The following MYO18B variants were observed in gnomAD, a reference collection of about 807,000 sequenced individuals.
MYO18B encodes the protein unconventional myosin-XVIIIb.
In MYO18B, 204 loss-of-function variants were observed where a neutral mutation model predicts 273.0. The ratio of observed to expected loss-of-function variants is 0.75; its 90% CI spans 0.67 to 0.84. The LOEUF is 0.84. Among genes scored for constraint, MYO18B ranks in the 40% least tolerant of loss-of-function variants. The probability of loss-of-function intolerance (pLI) is 0.00; values close to 1 mark genes in which losing one functional copy is unlikely to be tolerated. For missense variants in MYO18B, 3,212 were observed against 3,287.6 expected (o/e 0.98, Z 0.56); for synonymous variants, 1,330 against 1,305.7 (o/e 1.02, Z -0.40).
chr22:25,840,017 C>T (rs2090035177), intron 17 of MYO18B, among the ~76,000 whole-genome samples: 1 of 152,172 alleles, frequency 6.6e-6, no homozygotes, highest in Non-Finnish European at 1.5e-5. Context: ...CTTCCCTGCC[C>T]TGTCTGAAGC....
intron 3 of MYO18B, among the ~76,000 whole-genome samples, chr22:25,764,605 C>T (rs1472719813): frequency 6.6e-6 from 1 of 152,202 alleles, no homozygotes; most frequent in African/African-American, 2.4e-5. Flanking sequence ...GAGAGGTCTT[C>T]CAGCAACTGA....
rs925708521 is a variant in MYO18B, at chr22:25,908,340, C to G, written c.5167C>G (p.Leu1723Val). Residue 1723 changes from leucine to valine, a missense_variant, in exon 32 of 44, where the codon CTG (leucine) becomes GTG (valine). Coordinates refer to ENST00000335473, the MANE Select transcript of MYO18B (RefSeq NM_032608.7). The stretch of plus-strand genomic sequence containing the variant: ...CCCGCAGCTCCGCCAGCGGTTTGAG[C>G]TGGAGATCGAGCGGATGAAGCAGAT... The part of the protein sequence containing the change: ...QLEQLRQRFE[L>V]EIERMKQMHQ... 4 of 1,591,530 alleles carry G rather than the reference C, an allele frequency of 2.5e-6. No homozygotes were observed. The highest frequency in any genetic ancestry group is 2.7e-5 in the African/African-American group (2 of 74,486).
At position 25,761,136 on chromosome 22, in the gene MYO18B, G is replaced by T. The variant is rs1568977389; in HGVS notation, c.39+5G>T. On this transcript the variant is annotated splice_donor_5th_base_variant and intron_variant, in intron 2 of 43. Transcript: ENST00000335473. Reference sequence around the variant, plus strand: ...CTCGCCCTGTGGGAGCAGAAGGAAAGTGACACTCATGGCTGGGGCTGCAGC... The same window carrying T: ...CTCGCCCTGTGGGAGCAGAAGGAAATTGACACTCATGGCTGGGGCTGCAGC... 2 of 1,613,238 alleles carry T rather than the reference G, an allele frequency of 1.2e-6. No individual in the cohort carries two copies. The highest frequency in any genetic ancestry group is 1.1e-5 in the South Asian group (1 of 91,084).
chr22:25,893,161 C>A (rs186826851), intron 27 of MYO18B, among the ~76,000 whole-genome samples: 1 of 152,290 alleles, frequency 6.6e-6, no homozygotes, highest in Non-Finnish European at 1.5e-5. Flanking sequence ...ATCATATCAT[C>A]GCAGTGGTAC....
In MYO18B at chr22:25,876,094, C is replaced by T. The variant is rs1258095515; in HGVS notation, c.4081-95C>T. 5.5e-6 allele frequency: 7 copies of T among 1,269,152 alleles called. No individual in the cohort carries two copies. In the East Asian group the frequency reaches 1.6e-4, roughly 29 times the overall value. The allele number at this position is 1,269,152 out of a possible 1,614,324, so 78.6% of individuals were successfully genotyped here. On this transcript the variant is annotated intron_variant, in intron 23 of 43. Coordinates refer to ENST00000335473, the MANE Select transcript of MYO18B (RefSeq NM_032608.7). ...CTTCCACCGGGAAATAACCCCACTT[C>T]CTCCAGCCCCTTTGCTACCCTCTGC...
chr22:25,947,487 T>TACACACACACACACACACACAC (rs57844236), intron 35 of MYO18B, among the ~76,000 whole-genome samples: 1 of 110,616 alleles, frequency 9.0e-6, no homozygotes. Context: ...TAATGCCTAA[T>TACACACACACACACACACACAC]ACACACACAC....
chr22:25,818,436 G>T (rs1007524682), intron 12 of MYO18B, among the ~76,000 whole-genome samples: 17 of 152,176 alleles, frequency 1.1e-4, no homozygotes, highest in African/African-American at 3.6e-4. Flanking sequence ...CTTTGCACAA[G>T]AATTTTGACT....
At chr22:25,941,082 A>G (rs922157835) in intron 34 of MYO18B, among the ~76,000 whole-genome samples, 1 of 152,244 alleles carries the variant, frequency 6.6e-6, no homozygotes, top group Non-Finnish European at 1.5e-5. Context: ...CCACATACTC[A>G]TGCCATTGTT....
chr22:26,004,404 G>A (rs1452247528), intron 41 of MYO18B, among the ~76,000 whole-genome samples: 1 of 152,182 alleles, frequency 6.6e-6, no homozygotes, highest in Non-Finnish European at 1.5e-5. Context: ...GTAGTGGAGT[G>A]TGTATCTCCC....
chr22:25,926,678 A>G (rs954792763), intron 34 of MYO18B, among the ~76,000 whole-genome samples: 2 of 152,168 alleles, frequency 1.3e-5, no homozygotes, highest in African/African-American at 4.8e-5. Flanking sequence ...GCAAATATGG[A>G]TATGATCTCC....
intron 33 of MYO18B, among the ~76,000 whole-genome samples, chr22:25,919,626 G>T (rs1284575792): frequency 6.6e-6 from 1 of 152,078 alleles, no homozygotes; most frequent in Non-Finnish European, 1.5e-5. Context: ...CAAAGAGCCT[G>T]GCACAATGCC....
chr22:25,767,131 G>T (rs1338766886), intron 3 of MYO18B, among the ~76,000 whole-genome samples: 1 of 152,220 alleles, frequency 6.6e-6, no homozygotes, highest in African/African-American at 2.4e-5. Context: ...GGTAGAACTT[G>T]CTTATGAGGT....
intron 17 of MYO18B, among the ~76,000 whole-genome samples, chr22:25,839,262 A>T (rs905490163): frequency 2.0e-5 from 3 of 151,838 alleles, no homozygotes; most frequent in African/African-American, 7.3e-5. Context: ...ATGTGTGTGC[A>T]TGTGTGTATA....
chr22:25,881,978 C>T (rs1712307713), intron 25 of MYO18B, among the ~76,000 whole-genome samples: 1 of 152,176 alleles, frequency 6.6e-6, no homozygotes, highest in Admixed American at 6.5e-5. Flanking sequence ...CTGCCTGAAA[C>T]ACTCCCTTCA....
chr22:26,023,578 C>T (rs946803004), intron 42 of MYO18B, among the ~76,000 whole-genome samples: 4 of 152,134 alleles, frequency 2.6e-5, no homozygotes, highest in Non-Finnish European at 4.4e-5. Context: ...CCCTGGTGTC[C>T]GCAGCCAGCA....
chr22:25,757,655 G>T (rs2086167759), intron 1 of MYO18B, among the ~76,000 whole-genome samples: 1 of 152,096 alleles, frequency 6.6e-6, no homozygotes, highest in African/African-American at 2.4e-5. Flanking sequence ...GGGATGGAGG[G>T]TGGGTGTCTC....
At chr22:25,976,299 C>A (rs2146762790) in intron 39 of MYO18B, among the ~76,000 whole-genome samples, 1 of 152,280 alleles carries the variant, frequency 6.6e-6, no homozygotes, top group South Asian at 2.1e-4. Flanking sequence ...AAAATCCACC[C>A]AGAACCTCTC....
the MYO18B span, among the ~76,000 whole-genome samples, chr22:26,062,952 C>T: frequency 1.3e-5 from 2 of 152,144 alleles, no homozygotes; most frequent in South Asian, 2.1e-4. Flanking sequence ...AAAGCCAGGT[C>T]GCAGTCTCAA....
chr22:25,955,131 C>T (rs1415747230), intron 38 of MYO18B, 48 bp from the exon 39 acceptor site: 6 of 1,509,556 alleles, frequency 4.0e-6, no homozygotes, highest in Non-Finnish European at 3.6e-6. Context: ...TTGTTTCATA[C>T]CCCTGGCCTC....
Sources: allele counts gnomAD v4.1 joint callset (sites outside exome capture counted in the v4.1 genomes callset), GRCh38; gene constraint gnomAD v4.1.1; transcripts MANE v1.5; gene names NCBI Gene and HGNC (gene_info 2026-07-23, HGNC 2026-07-21).